C14orf132: variants seen among roughly 807,000 people sequenced by gnomAD.
C14orf132 encodes uncharacterized protein C14orf132.
In C14orf132, 6 loss-of-function variants were observed where a neutral mutation model predicts 5.8. The observed-to-expected ratio is 1.03, with a 90% CI of 0.57 to 2.04. C14orf132 has a LOEUF of 2.04. Among genes scored for constraint, C14orf132 ranks in the 30% most tolerant of loss-of-function variants. C14orf132 has a pLI of 0.00. For synonymous variants in C14orf132, 51 were observed against 49.8 expected (o/e 1.02, Z -0.10); for missense variants, 125 against 115.8 (o/e 1.08, Z -0.37).
intron 1 of C14orf132, among the ~76,000 whole-genome samples, chr14:96,080,814 G>A (rs375906124): frequency 3.1e-4 from 47 of 152,162 alleles, no homozygotes; most frequent in Admixed American, 9.2e-4. Context: ...ATGGTGCCCC[G>A]ACACTGCGGG....
At chr14:96,071,660 C>A (rs1277676679) in intron 1 of C14orf132, among the ~76,000 whole-genome samples, 1 of 152,202 alleles carries the variant, frequency 6.6e-6, no homozygotes, top group African/African-American at 2.4e-5. Flanking sequence ...CAGATGGCAG[C>A]CTGTGGACCT....
chr14:96,054,798 T>C (rs931954302), intron 1 of C14orf132, among the ~76,000 whole-genome samples: 5 of 152,222 alleles, frequency 3.3e-5, no homozygotes, highest in Non-Finnish European at 7.3e-5. Flanking sequence ...AGAACAGTTT[T>C]TTCAGAACAG....
At chr14:96,055,138 C>G (rs546540604) in intron 1 of C14orf132, among the ~76,000 whole-genome samples, 1 of 152,158 alleles carries the variant, frequency 6.6e-6, no homozygotes, top group East Asian at 1.9e-4. Flanking sequence ...TTACTCACAC[C>G]GCAGCAAGCG....
At chr14:96,052,321 G>A (rs1106957) in intron 1 of C14orf132, among the ~76,000 whole-genome samples, 63,455 of 152,202 alleles carry the variant, frequency 0.42, 14,067 homozygotes, top group East Asian at 0.7. Context: ...CCAGAGGTGG[G>A]GGTGGGGACC....
At chr14:96,066,545 T>A (rs568838896) in intron 1 of C14orf132, among the ~76,000 whole-genome samples, 1 of 152,274 alleles carries the variant, frequency 6.6e-6, no homozygotes, top group Admixed American at 6.5e-5. Context: ...TTACATCAAG[T>A]AGCTCAGTGC....
At chr14:96,078,358 C>T (rs1201135719) in intron 1 of C14orf132, among the ~76,000 whole-genome samples, 1 of 152,252 alleles carries the variant, frequency 6.6e-6, no homozygotes, top group African/African-American at 2.4e-5. Flanking sequence ...CCTGGCTTCT[C>T]AGTCTTCTGT....
chr14:96,060,659 C>G (rs1364081593), intron 1 of C14orf132, among the ~76,000 whole-genome samples: 1 of 152,198 alleles, frequency 6.6e-6, no homozygotes, highest in African/African-American at 2.4e-5. Context: ...TCAGCCACCC[C>G]CAATTCCCAT....
chr14:96,039,574 A>G lies in C14orf132; in HGVS notation c.27+47A>G, dbSNP rs1055539129. On this transcript the variant is annotated intron_variant, in intron 1 of 1. Coordinates refer to ENST00000555004, the MANE Select transcript of C14orf132 (RefSeq NM_001252507.3). The surrounding 1 kb of genome is among the most constrained non-coding windows in gnomAD (Gnocchi z 5.3). ...GCGCCCCGGGCCGCCAAGTTTGGGGAGGTTCGGGGCCACGGTCTCGCCCTC... is the reference window on the plus strand; with the variant it reads ...GCGCCCCGGGCCGCCAAGTTTGGGGGGGTTCGGGGCCACGGTCTCGCCCTC... 6 of 1,482,996 alleles carry G rather than the reference A, an allele frequency of 4.0e-6. No homozygotes were observed. The Admixed American group carries it at 1.1e-4, about 26-fold the overall frequency. The allele number at this position is 1,482,996 out of a possible 1,614,324, so 91.9% of individuals were successfully genotyped here. A position where few individuals can be genotyped will look rare whatever the true frequency, so the allele number is the denominator to read the frequency against.
intron 1 of C14orf132, among the ~76,000 whole-genome samples, chr14:96,056,787 C>A (rs1887196493): frequency 6.6e-6 from 1 of 152,060 alleles, no homozygotes. Context: ...AGTCAGAAAA[C>A]CCCGGTCCAA....
chr14:96,071,112 A>G (rs1313174204), intron 1 of C14orf132, among the ~76,000 whole-genome samples: 1 of 152,224 alleles, frequency 6.6e-6, no homozygotes, highest in Non-Finnish European at 1.5e-5. Flanking sequence ...TTACAGTTCC[A>G]CATGGCTGGG....
intron 1 of C14orf132, among the ~76,000 whole-genome samples, chr14:96,045,898 C>T (rs1474630360): frequency 2.6e-5 from 4 of 152,232 alleles, no homozygotes; most frequent in Non-Finnish European, 5.9e-5. Context: ...TCAGCTGGAA[C>T]AGCAGAGACT....
intron 1 of C14orf132, among the ~76,000 whole-genome samples, chr14:96,085,922 A>C (rs534338363): frequency 6.6e-6 from 1 of 152,076 alleles, no homozygotes; most frequent in Non-Finnish European, 1.5e-5. Flanking sequence ...GGATTAAAAA[A>C]CACGTTTAAA....
At chr14:96,058,675 G>T (rs1405112395) in intron 1 of C14orf132, among the ~76,000 whole-genome samples, 1 of 152,236 alleles carries the variant, frequency 6.6e-6, no homozygotes, top group Non-Finnish European at 1.5e-5. Flanking sequence ...CAAGCAGAAA[G>T]CAGCAGCCAC....
intron 1 of C14orf132, among the ~76,000 whole-genome samples, chr14:96,078,500 C>T (rs910395280): frequency 2.0e-5 from 3 of 152,214 alleles, no homozygotes; most frequent in African/African-American, 7.2e-5. Context: ...GCTGTTGCCG[C>T]CTTCTTGCCA....
At chr14:96,064,377 C>CAG (rs1887461466) in intron 1 of C14orf132, among the ~76,000 whole-genome samples, 1 of 148,822 alleles carries the variant, frequency 6.7e-6, no homozygotes, top group African/African-American at 2.6e-5. Context: ...CACACACACA[C>CAG]ACACACACAC....
intron 1 of C14orf132, among the ~76,000 whole-genome samples, chr14:96,080,582 G>A (rs778999561): frequency 3.9e-5 from 6 of 152,166 alleles, no homozygotes; most frequent in African/African-American, 9.7e-5. Context: ...ACCGTTTTCC[G>A]TTCCTTTCTC....
rs1203216084 is a variant in C14orf132, at chr14:96,088,838, G to T, written c.*2103G>T. 6.6e-6 allele frequency: 1 copy of T among 152,316 alleles called. No individual in the cohort carries two copies. Among genetic ancestry groups the T allele is most frequent in the Non-Finnish European group, 1.5e-5 (1 of 68,100 alleles). The allele number at this position is 152,316 out of a possible 1,614,324, so 9.4% of individuals were successfully genotyped here. On this transcript the variant is annotated 3_prime_UTR_variant, in exon 2 of 2. Transcript: ENST00000555004. ...AGGGAGGAGAAGGCAGGAGGAAAAA[G>T]GATGGCTTCTAGCCCTGAAGAGGAC...
At chr14:96,068,366 A>C (rs1484749861) in intron 1 of C14orf132, among the ~76,000 whole-genome samples, 2 of 152,204 alleles carry the variant, frequency 1.3e-5, no homozygotes, top group Non-Finnish European at 2.9e-5. Context: ...CCTGGATGCC[A>C]TTCCCAGGTG....
rs952416086 is a variant in C14orf132, at chr14:96,086,847, C to A, written c.*112C>A. The A allele has an allele frequency of 2.8e-6, 3 of 1,069,568 alleles. No individual in the cohort carries two copies. Among genetic ancestry groups the A allele is most frequent in the African/African-American group, 3.2e-5 (2 of 62,752 alleles). The allele number at this position is 1,069,568 out of a possible 1,614,324, so 66.3% of individuals were successfully genotyped here. On this transcript the variant is annotated 3_prime_UTR_variant, in exon 2 of 2. Transcript: ENST00000555004. ...AACCAGGAGTTTTGACCAGGGGCGG[C>A]GGCCGTCCTTCTGGAATTTCTCCCC...
Sources: gnomAD v4.1 joint callset for allele counts (sites outside exome capture counted in the v4.1 genomes callset) on GRCh38, gnomAD v4.1.1 for gene constraint, Gnocchi (gnomAD v3.1) non-coding constraint, MANE v1.5 for transcripts, NCBI Gene and HGNC (gene_info 2026-07-23, HGNC 2026-07-21) for gene names.